CAMK2D: variants seen among roughly 807,000 people sequenced by gnomAD.
The protein encoded by CAMK2D is calcium/calmodulin dependent protein kinase II delta.
CAMK2D carries 37 observed loss-of-function variants against 84.0 expected under a neutral mutation model. The observed-to-expected ratio is 0.44, with a 90% CI of 0.34 to 0.58. CAMK2D has a LOEUF of 0.58. Ranked by LOEUF, CAMK2D falls within the 20% of genes least tolerant of loss-of-function variation. The pLI, the probability that CAMK2D is intolerant of heterozygous loss-of-function variation, is 0.02. For missense variants in CAMK2D, 448 were observed against 652.5 expected, an observed-to-expected ratio of 0.69 and a Z score of 3.41; for synonymous variants, 202 against 212.5, an observed-to-expected ratio of 0.95 and a Z score of 0.43.
chr4:113,657,827 G>GA (rs1410437722), intron 3 of CAMK2D, among the ~76,000 whole-genome samples: 10 of 151,986 alleles, frequency 6.6e-5, no homozygotes, highest in African/African-American at 2.2e-4. Flanking sequence ...TTTCACAGGG[G>GA]AAAAAATGGT....
chr4:113,703,858 G>A (rs1430796041), intron 2 of CAMK2D, among the ~76,000 whole-genome samples: 1 of 151,640 alleles, frequency 6.6e-6, no homozygotes, highest in Admixed American at 6.6e-5. Flanking sequence ...ACAAAATGGA[G>A]GGTGTATTTT....
chr4:113,554,955 G>GA (rs138365534), intron 4 of CAMK2D, among the ~76,000 whole-genome samples: 9 of 131,370 alleles, frequency 6.9e-5, no homozygotes, highest in Non-Finnish European at 9.6e-5. Context: ...GGCTCACAAG[G>GA]AAAAAAAAAG....
intron 5 of CAMK2D, among the ~76,000 whole-genome samples, chr4:113,548,135 C>A (rs1432651897): frequency 6.6e-6 from 1 of 152,126 alleles, no homozygotes; most frequent in Non-Finnish European, 1.5e-5. Flanking sequence ...ACAGTCAGGG[C>A]ACCACTAAGG....
At chr4:113,474,336 G>A (rs2097578963) in intron 16 of CAMK2D, among the ~76,000 whole-genome samples, 2 of 152,124 alleles carry the variant, frequency 1.3e-5, no homozygotes, top group Non-Finnish European at 2.9e-5. Flanking sequence ...TGCATGATCA[G>A]AGATGTTCTA....
chr4:113,562,081 TC>T (rs1389542908), intron 4 of CAMK2D, among the ~76,000 whole-genome samples: 1 of 152,222 alleles, frequency 6.6e-6, no homozygotes, highest in Admixed American at 6.5e-5. Flanking sequence ...TATAAAATGT[TC>T]AATGAATTAA....
chr4:113,584,471 G>C (rs568444548), intron 4 of CAMK2D, among the ~76,000 whole-genome samples: 3 of 152,204 alleles, frequency 2.0e-5, no homozygotes, highest in Non-Finnish European at 4.4e-5. Flanking sequence ...AGGAAGAAGA[G>C]AGGTTTCTTG....
rs1561328132 is a variant in CAMK2D, at chr4:113,609,218, T to C, written c.221-12A>G. 4 of 1,518,048 alleles carry C rather than the reference T, an allele frequency of 2.6e-6. No homozygotes were observed. Among genetic ancestry groups the C allele is most frequent in the Non-Finnish European group, 3.7e-6 (4 of 1,092,966 alleles). The allele number at this position is 1,518,048 out of a possible 1,614,324, so 94.0% of individuals were successfully genotyped here. On this transcript the variant is annotated splice_polypyrimidine_tract_variant and intron_variant, in intron 3 of 20. Coordinates refer to ENST00000511664, the MANE Select transcript of CAMK2D (RefSeq NM_001321571.2). ...ATCATGAAGTCGCACTAGAAAAAAA[T>C]AAGAGAAGAAAAATTGTGTTATACC...
At position 113,455,984 on chromosome 4, in the gene CAMK2D, T is replaced by C. The variant is rs77774463; in HGVS notation, c.1536-163A>G. Among the ~76,000 whole-genome samples, 903 of 152,304 alleles carry C rather than the reference T, an allele frequency of 5.9e-3. 8 individuals are homozygous for C. Among genetic ancestry groups the C allele is most frequent in the African/African-American group, 0.021 (866 of 41,570 alleles). On this transcript the variant is annotated intron_variant, in intron 19 of 20. Coordinates refer to ENST00000511664, the MANE Select transcript of CAMK2D (RefSeq NM_001321571.2). ...AACTGGCGATTTGTGCTGTACCTCT[T>C]TGGGGTGAAAAACACACAAAAACGG... is the stretch of plus-strand genomic sequence containing the variant.
intron 2 of CAMK2D, chr4:113,754,708 TA>T (rs1426815676): frequency 1.0e-6 from 1 of 978,470 alleles, no homozygotes; most frequent in East Asian, 1.1e-4. Context: ...TTGTGTCTCC[TA>T]ACTAGTTCTG....
chr4:113,613,336 G>C (rs1179653858), intron 3 of CAMK2D, among the ~76,000 whole-genome samples: 2 of 152,082 alleles, frequency 1.3e-5, no homozygotes, highest in Non-Finnish European at 1.5e-5. Flanking sequence ...TTCTTACTGA[G>C]AATACTACGT....
At chr4:113,640,119 A>T (rs541137940) in intron 3 of CAMK2D, among the ~76,000 whole-genome samples, 1 of 152,106 alleles carries the variant, frequency 6.6e-6, no homozygotes, top group South Asian at 2.1e-4. Context: ...ACACAAGCAG[A>T]GAAGCAGGTC....
intron 10 of CAMK2D, 98 bp downstream of exon 10, chr4:113,514,971 T>C (rs756597909): frequency 1.4e-5 from 16 of 1,142,326 alleles, no homozygotes; most frequent in South Asian, 5.4e-5. Context: ...CTGAGTTTCA[T>C]CTTTTTTTGC....
At chr4:113,636,695 G>C (rs2154291078) in intron 3 of CAMK2D, among the ~76,000 whole-genome samples, 1 of 152,286 alleles carries the variant, frequency 6.6e-6, no homozygotes, top group African/African-American at 2.4e-5. Flanking sequence ...TGGAGAGAGA[G>C]CTCTAGTCAC....
intron 7 of CAMK2D, among the ~76,000 whole-genome samples, chr4:113,534,075 T>C (rs1477335928): frequency 1.3e-5 from 2 of 152,158 alleles, no homozygotes; most frequent in Non-Finnish European, 2.9e-5. Flanking sequence ...AGTCCTGCTC[T>C]TTATCAAAAT....
intron 2 of CAMK2D, among the ~76,000 whole-genome samples, chr4:113,741,417 CTATTT>C (rs2099592583): frequency 6.6e-6 from 1 of 152,014 alleles, no homozygotes; most frequent in African/African-American, 2.4e-5. Flanking sequence ...TATAATTGTT[CTATTT>C]TATTAGTACT....
At chr4:113,505,218 G>C (rs972133761) in intron 13 of CAMK2D, among the ~76,000 whole-genome samples, 183 bp from the exon 14 acceptor site, 4 of 152,290 alleles carry the variant, frequency 2.6e-5, no homozygotes, top group Non-Finnish European at 5.9e-5. Context: ...GTCACACACA[G>C]GCTGGACCAT....
chr4:113,674,593 C>T (rs72895908), intron 2 of CAMK2D, among the ~76,000 whole-genome samples: 10,808 of 152,104 alleles, frequency 0.071, 490 homozygotes, highest in African/African-American at 0.13. Context: ...TGACAAACTT[C>T]AAAGCTGGCA....
intron 4 of CAMK2D, among the ~76,000 whole-genome samples, chr4:113,567,152 TTTTTC>T (rs200221837): frequency 3.3e-5 from 5 of 150,600 alleles, no homozygotes; most frequent in African/African-American, 1.2e-4. Flanking sequence ...TGAGATCTTT[TTTTTC>T]TTTTCTTTTC....
intron 8 of CAMK2D, among the ~76,000 whole-genome samples, chr4:113,522,050 ATAAGACTTT>A (rs141131697): frequency 0.061 from 9,311 of 152,254 alleles, 575 homozygotes; most frequent in East Asian, 0.21. Flanking sequence ...TGTCCGGTTA[ATAAGACTTT>A]TGAGAAGCAC....
Sources: allele counts gnomAD v4.1 joint callset (sites outside exome capture counted in the v4.1 genomes callset), GRCh38; gene constraint gnomAD v4.1.1; transcripts MANE v1.5; gene names NCBI Gene and HGNC (gene_info 2026-07-23, HGNC 2026-07-21).